Variants in ST8SIA4 observed in about 807,000 individuals in gnomAD.
The protein encoded by ST8SIA4 is ST8 alpha-N-acetyl-neuraminide alpha-2,8-sialyltransferase 4.
Under a neutral mutation model 33.9 loss-of-function variants are expected in ST8SIA4, and 15 were observed. That is an observed-to-expected ratio of 0.44 (90% CI 0.30 to 0.68). The LOEUF is 0.68. Among genes scored for constraint, ST8SIA4 ranks in the 30% least tolerant of loss-of-function variants. The pLI, the probability that ST8SIA4 is intolerant of heterozygous loss-of-function variation, is 0.10. For synonymous variants in ST8SIA4, 171 were observed against 151.2 expected (o/e 1.13, Z -0.96); for missense variants, 321 against 428.0 (o/e 0.75, Z 2.21).
Position 100,856,132 on chromosome 5 carries a change from C to A in ST8SIA4, c.768G>T (p.Pro256=), listed in dbSNP as rs545732586. 6.2e-7 allele frequency: 1 copy of A among 1,613,966 alleles called. No homozygotes were observed. The highest frequency in any genetic ancestry group is 8.5e-7 in the Non-Finnish European group (1 of 1,179,890). Residue 256 remains proline (P), a synonymous_variant, in exon 4 of 5, where the codon CCG becomes CCT. Transcript: ENST00000231461. Reference sequence around the variant, plus strand: ...TGACAGCATGAATAAGTCTCAATGACGGATAGGCAGTTCGCACTTTCAGTT... The same window carrying A: ...TGACAGCATGAATAAGTCTCAATGAAGGATAGGCAGTTCGCACTTTCAGTT... ...KNKLKVRTAY[P]SLRLIHAVRG...
At chr5:100,887,366 C>G (rs2112473975) in intron 2 of ST8SIA4, among the ~76,000 whole-genome samples, 1 of 152,158 alleles carries the variant, frequency 6.6e-6, no homozygotes, top group African/African-American at 2.4e-5. Flanking sequence ...TTGCAAGTCT[C>G]AAAACCCAAG....
chr5:100,880,111 C>T (rs1054393904), intron 3 of ST8SIA4, among the ~76,000 whole-genome samples: 1 of 152,100 alleles, frequency 6.6e-6, no homozygotes, highest in Non-Finnish European at 1.5e-5. Context: ...CTTCCTCTTT[C>T]CCTCCCTTTC....
chr5:100,875,263 T>C (rs1752280777), intron 3 of ST8SIA4, among the ~76,000 whole-genome samples: 1 of 152,156 alleles, frequency 6.6e-6, no homozygotes, highest in Admixed American at 6.6e-5. Flanking sequence ...GGTGTGTAGA[T>C]GTTGGCAGTG....
At chr5:100,872,086 C>G (rs1752208255) in intron 3 of ST8SIA4, among the ~76,000 whole-genome samples, 1 of 152,008 alleles carries the variant, frequency 6.6e-6, no homozygotes, top group Non-Finnish European at 1.5e-5. Flanking sequence ...ATTTTCTCAA[C>G]TCCTACATTA....
chr5:100,877,090 C>T (rs1752322119), intron 3 of ST8SIA4, among the ~76,000 whole-genome samples: 1 of 151,964 alleles, frequency 6.6e-6, no homozygotes, highest in Non-Finnish European at 1.5e-5. Context: ...TGCAAGTAAA[C>T]CAGGTATAAT....
chr5:100,848,841 A>T (rs1428017137), intron 4 of ST8SIA4, among the ~76,000 whole-genome samples: 1 of 150,580 alleles, frequency 6.6e-6, no homozygotes, highest in African/African-American at 2.4e-5. Flanking sequence ...TTTTTATATA[A>T]TATTTACCTA....
At chr5:100,834,604 A>G (rs867651634) in intron 4 of ST8SIA4, among the ~76,000 whole-genome samples, 1 of 152,034 alleles carries the variant, frequency 6.6e-6, no homozygotes, top group Non-Finnish European at 1.5e-5. Context: ...TACCATGTTG[A>G]GATGTCAGCC....
intron 4 of ST8SIA4, among the ~76,000 whole-genome samples, chr5:100,833,555 T>C (rs1751302754): frequency 6.6e-6 from 1 of 152,152 alleles, no homozygotes; most frequent in Admixed American, 6.6e-5. Flanking sequence ...ACTTAACTAA[T>C]TCATTCCTCA....
chr5:100,812,172 C>A, intron 4 of ST8SIA4, 43 bp from the exon 5 acceptor site: 1 of 1,566,188 alleles, frequency 6.4e-7, no homozygotes, highest in Non-Finnish European at 8.7e-7. Flanking sequence ...AGAATTTAGA[C>A]ACACATAGAG....
intron 4 of ST8SIA4, among the ~76,000 whole-genome samples, chr5:100,830,258 C>G (rs1353588748): frequency 1.3e-5 from 2 of 151,566 alleles, no homozygotes; most frequent in Non-Finnish European, 2.9e-5. Context: ...CGATGAGTTT[C>G]AAAGCCTAGT....
intron 3 of ST8SIA4, 68 bp downstream of exon 3, chr5:100,886,275 C>G: frequency 3.2e-6 from 5 of 1,553,762 alleles, no homozygotes; most frequent in Non-Finnish European, 4.3e-6. Flanking sequence ...AATTTTCTAA[C>G]AGTTTTCCAC....
At chr5:100,896,786 G>T (rs552169639) in intron 1 of ST8SIA4, among the ~76,000 whole-genome samples, 77 of 152,146 alleles carry the variant, frequency 5.1e-4, no homozygotes, top group Non-Finnish European at 7.1e-4. Context: ...AGAATGTTTT[G>T]TAAGTGCTCC....
rs1379950748 is a variant in ST8SIA4, at chr5:100,903,015, G to C, written c.-60C>G. ...TCCCGCACCTTCTCTTGATATAAAG[G>C]CTCCGTTTTGGGGAGATAGTCGCGG... On this transcript the variant is annotated 5_prime_UTR_variant, in exon 1 of 5. Transcript: ENST00000231461. 4.0e-6 allele frequency: 5 copies of C among 1,253,350 alleles called. No homozygotes were observed. The Admixed American group carries it at 7.0e-5, about 17-fold the overall frequency. The allele number at this position is 1,253,350 out of a possible 1,614,324, so 77.6% of individuals were successfully genotyped here. A position where few individuals can be genotyped will look rare whatever the true frequency, so the allele number is the denominator to read the frequency against.
chr5:100,897,624 A>G (rs1752807066), intron 1 of ST8SIA4, among the ~76,000 whole-genome samples: 1 of 152,150 alleles, frequency 6.6e-6, no homozygotes, highest in Admixed American at 6.5e-5. Flanking sequence ...TATTCGATGA[A>G]TTCTGTAATT....
At chr5:100,896,586 T>A (rs1433393514) in intron 1 of ST8SIA4, among the ~76,000 whole-genome samples, 1 of 152,140 alleles carries the variant, frequency 6.6e-6, no homozygotes, top group East Asian at 1.9e-4. Flanking sequence ...ATGTTCACAC[T>A]ACAAAGAAGT....
chr5:100,811,534 A>T lies in ST8SIA4; in HGVS notation c.*313T>A. 4.9e-6 allele frequency: 1 copy of T among 204,684 alleles called. No homozygotes were observed. Among genetic ancestry groups the T allele is most frequent in the Non-Finnish European group, 9.9e-6 (1 of 100,838 alleles). The allele number at this position is 204,684 out of a possible 1,614,324, so 12.7% of individuals were successfully genotyped here. ...TTGGTGTTGCTGTGGGCAGCCTGACAGTGATGAACATATTTGCTTTGTTAA... is the reference window on the plus strand; with the variant it reads ...TTGGTGTTGCTGTGGGCAGCCTGACTGTGATGAACATATTTGCTTTGTTAA... On this transcript the variant is annotated 3_prime_UTR_variant, in exon 5 of 5. Coordinates refer to ENST00000231461, the MANE Select transcript of ST8SIA4 (RefSeq NM_005668.6).
At position 100,809,072 on chromosome 5, in the gene ST8SIA4, G is replaced by A. The variant is rs886832309; in HGVS notation, c.*2775C>T. 1.3e-5 allele frequency: 2 copies of A among 152,616 alleles called. No homozygotes were observed. The highest frequency in any genetic ancestry group is 2.9e-5 in the Non-Finnish European group (2 of 68,028). The allele number at this position is 152,616 out of a possible 1,614,324, so 9.5% of individuals were successfully genotyped here. On this transcript the variant is annotated 3_prime_UTR_variant, in exon 5 of 5. Transcript: ENST00000231461. ...AAGGCACTACTCAATGCATCTATGA[G>A]ATAAACATCAATGCACAGAACAATG... is the stretch of plus-strand genomic sequence containing the variant.
At chr5:100,860,932 C>A (rs1273458919) in intron 3 of ST8SIA4, among the ~76,000 whole-genome samples, 1 of 152,062 alleles carries the variant, frequency 6.6e-6, no homozygotes, top group African/African-American at 2.4e-5. Context: ...AGTTATTAAA[C>A]AAAAGGTTTT....
chr5:100,826,157 A>G (rs1313960193), intron 4 of ST8SIA4, among the ~76,000 whole-genome samples: 1 of 152,000 alleles, frequency 6.6e-6, no homozygotes, highest in Non-Finnish European at 1.5e-5. Flanking sequence ...GTGGTTCTAT[A>G]GAATAAAGAA....
Sources: gnomAD v4.1 joint callset for allele counts (sites outside exome capture counted in the v4.1 genomes callset) on GRCh38, gnomAD v4.1.1 for gene constraint, MANE v1.5 for transcripts, NCBI Gene and HGNC (gene_info 2026-07-23, HGNC 2026-07-21) for gene names.